The following TTN variants were observed in gnomAD, a reference collection of about 807,000 sequenced individuals.
The protein encoded by TTN is connectin.
A neutral mutation model predicts 3,223.0 loss-of-function variants in TTN; 1,525 were observed. That is an observed-to-expected ratio of 0.47 (90% CI 0.45 to 0.49). The LOEUF is 0.49. Ranked by LOEUF, TTN falls within the 20% of genes least tolerant of loss-of-function variation. The probability of loss-of-function intolerance (pLI) is 0.00; values close to 1 mark genes in which losing one functional copy is unlikely to be tolerated. For missense variants in TTN, 40,786 were observed against 43,424.0 expected, an observed-to-expected ratio of 0.94 and a Z score of 5.40; for synonymous variants, 14,094 against 15,161.0, an observed-to-expected ratio of 0.93 and a Z score of 5.17.
Position 178,532,833 on chromosome 2 carries a change from G to A in TTN, c.103782C>T (p.Arg34594=), listed in dbSNP as rs755518663. The part of the protein sequence containing the change: ...LDRVVQKRPK[R]IRLSRWEQFY... The stretch of plus-strand genomic sequence containing the variant: ...ACTGTTCCCATCTTGAAAGGCGGAT[G>A]CGCTTGGGTCGTTTCTGTACAACTC... Residue 34594 remains arginine, a synonymous_variant, in exon 358 of 363, where the codon CGC becomes CGT. Transcript: ENST00000589042. 1.2e-6 allele frequency: 2 copies of A among 1,613,802 alleles called. No homozygotes were observed. Among genetic ancestry groups the A allele is most frequent in the Non-Finnish European group, 1.7e-6 (2 of 1,179,860 alleles).
Position 178,548,250 on chromosome 2 carries a change from T to C in TTN, c.93376A>G (p.Ser31126Gly). ...PPRRLDVVDT[S>G]KSSAVLAWLK... The stretch of plus-strand genomic sequence containing the variant: ...CAAGCTAAGACTGCGGAGGATTTGC[T>C]AGTATCAACAACATCAAGTCTCCTA... The change falls in exon 339 of 363, where the codon AGC (serine) becomes GGC (glycine). Residue 31126 changes from serine to glycine, a missense_variant. Ser to Gly is a moderately conservative substitution (Grantham distance 56). Coordinates refer to ENST00000589042, the MANE Select transcript of TTN (RefSeq NM_001267550.2). The surrounding 1 kb of genome is among the most constrained non-coding windows in gnomAD (Gnocchi z 4.3). 1 of 1,613,862 alleles carries C rather than the reference T, an allele frequency of 6.2e-7. No individual in the cohort carries two copies.
intron 49 of TTN, among the ~76,000 whole-genome samples, chr2:178,737,681 T>C (rs144308062): frequency 0.017 from 2,551 of 152,298 alleles, 32 homozygotes; most frequent in Admixed American, 0.025. Flanking sequence ...TACATTAGGA[T>C]TTAATTTTAG....
In TTN at chr2:178,733,442, A is replaced by G. The variant is rs1327029023; in HGVS notation, c.15851T>C (p.Val5284Ala). Residue 5284 changes from valine (V) to alanine (A), a missense_variant, in exon 54 of 363, where the codon GTG (valine) becomes GCG (alanine). Coordinates refer to ENST00000589042, the MANE Select transcript of TTN (RefSeq NM_001267550.2). ...AGDPATLEYT[V>A]AGTPELKPKW... Reference sequence around the variant, plus strand: ...GGGCTTCAGTTCTGGCGTGCCTGCCACTGTGTACTCCAGTGTGGCGGGATC... The same window carrying G: ...GGGCTTCAGTTCTGGCGTGCCTGCCGCTGTGTACTCCAGTGTGGCGGGATC... The G allele has an allele frequency of 6.2e-7, 1 of 1,613,806 alleles. No homozygotes were observed. The highest frequency in any genetic ancestry group is 1.7e-5 in the Admixed American group (1 of 60,010).
chr2:178,790,548 T>G (rs2093431268), intron 11 of TTN, among the ~76,000 whole-genome samples, 160 bp downstream of exon 11: 1 of 152,222 alleles, frequency 6.6e-6, no homozygotes, highest in Non-Finnish European at 1.5e-5. Context: ...AGGAATGAAT[T>G]GACAGTGAAA....
chr2:178,586,519 GCTTCATACACTC>G lies in TTN; in HGVS notation c.64370_64381del (p.Gly21457_Glu21460del). 6.2e-7 allele frequency: 1 copy of G among 1,612,902 alleles called. No homozygotes were observed. The highest frequency in any genetic ancestry group is 2.2e-5 in the East Asian group (1 of 44,754). ...AGACTACTTACACAGTTGTTCTTTG[GCTTCATACACTC>G]CTTCAGCTTCTCTTGGCAAACTGAC... On this transcript the variant is annotated inframe_deletion, in exon 308 of 363. Transcript: ENST00000589042.
In TTN at chr2:178,550,151, CT is replaced by C; in HGVS notation, c.91686del (p.Asp30563MetfsTer9). 1 of 1,613,776 alleles carries C rather than the reference CT, an allele frequency of 6.2e-7. No homozygotes were observed. Among genetic ancestry groups the C allele is most frequent in the East Asian group, 2.2e-5 (1 of 44,856 alleles). ...ATCCTCTTTTCGATTTCCACTCCATCTTTGAACCAAGTTACTCGAGGCACTG... is the reference window on the plus strand; with the variant it reads ...ATCCTCTTTTCGATTTCCACTCCATCTTGAACCAAGTTACTCGAGGCACTG... ...GRPVPRVTWF[K>X]DGVEIEKRMN... On this transcript the variant is annotated frameshift_variant, in exon 337 of 363. Coordinates refer to ENST00000589042, the MANE Select transcript of TTN (RefSeq NM_001267550.2). LOFTEE classifies it high-confidence loss of function.
chr2:178,575,243 A>G lies in TTN; in HGVS notation c.70889T>C (p.Leu23630Pro), dbSNP rs377643984. 3 of 1,613,092 alleles carry G rather than the reference A, an allele frequency of 1.9e-6. No homozygotes were observed. The highest frequency in any genetic ancestry group is 2.7e-5 in the African/African-American group (2 of 74,914). The change falls in exon 326 of 363, where the codon CTT becomes CCT. Residue 23630 changes from leucine (L) to proline (P), a missense_variant. By Grantham distance (98) the Leu-to-Pro change is moderately conservative. Transcript: ENST00000589042. The surrounding 1 kb of genome is among the most constrained non-coding windows in gnomAD (Gnocchi z 4.0). ...RPVIVKEQTM[L>P]PELDLRGIYQ... ...GATGCCACGGAGATCCAGCTCTGGA[A>G]GCATTGTCTGCTCCTTGACAATGAC...
At position 178,573,472 on chromosome 2, in the gene TTN, A is replaced by G. The variant is rs761708999; in HGVS notation, c.72660T>C (p.Tyr24220=). Residue 24220 remains tyrosine (Y), a synonymous_variant, in exon 326 of 363, where the codon TAT becomes TAC. Transcript: ENST00000589042. ...ESEPVLAVNP[Y]GPPDPPKNPE... is the part of the protein sequence containing the mutation. ...GGTTTTTGGGCGGATCAGGGGGTCC[A>G]TAAGGATTCACTGCAAGCACAGGCT... The G allele has an allele frequency of 2.0e-6, 3 of 1,510,928 alleles. No individual in the cohort carries two copies. The highest frequency in any genetic ancestry group is 8.8e-7 in the Non-Finnish European group (1 of 1,133,912). The allele number at this position is 1,510,928 out of a possible 1,614,324, so 93.6% of individuals were successfully genotyped here.
intron 69 of TTN, 164 bp downstream of exon 69, chr2:178,726,926 A>G (rs1201969729): frequency 1.5e-6 from 1 of 678,446 alleles, no homozygotes; most frequent in Non-Finnish European, 2.1e-6. Flanking sequence ...ATGTAAGCAA[A>G]ATTCAAGAAG....
intron 294 of TTN, among the ~76,000 whole-genome samples, chr2:178,596,398 C>T (rs1245746831): frequency 1.3e-5 from 2 of 151,890 alleles, no homozygotes; most frequent in African/African-American, 4.8e-5. Context: ...GTGAGTTGGA[C>T]AGGAGGGAGC....
At position 178,549,604 on chromosome 2, in the gene TTN, A is replaced by T; in HGVS notation, c.92118T>A (p.Leu30706=). 1 of 1,613,630 alleles carries T rather than the reference A, an allele frequency of 6.2e-7. No homozygotes were observed. The highest frequency in any genetic ancestry group is 8.5e-7 in the Non-Finnish European group (1 of 1,179,588). The change falls in exon 338 of 363, where the codon CTT becomes CTA. Residue 30706 remains leucine, a synonymous_variant. Transcript: ENST00000589042. Reference sequence around the variant, plus strand: ...TTTGAGCAACCACTGGATCAGAATCAAGTGGCCTGCCAACACCAAACTTGT... The same window carrying T: ...TTTGAGCAACCACTGGATCAGAATCTAGTGGCCTGCCAACACCAAACTTGT... ...AVNKFGVGRP[L]DSDPVVAQIQ...
At chr2:178,804,485 A>G in intron 2 of TTN, 67 bp downstream of exon 2, 7 of 1,502,636 alleles carry the variant, frequency 4.7e-6, no homozygotes, top group Non-Finnish European at 6.5e-6. Flanking sequence ...CAAGTCCTGC[A>G]GCAACGTTAA....
chr2:178,593,233 C>T lies in TTN; in HGVS notation c.58975G>A (p.Glu19659Lys), dbSNP rs2050629562. The change falls in exon 299 of 363, where the codon GAA becomes AAA. Residue 19659 changes from glutamate to lysine, a missense_variant. Transcript: ENST00000589042. ...QYEFRVSAEN[E>K]IGIGDPSPPS... ...GGGCTTGGATCTCCAATACCAATTT[C>T]ATTTTCTGCAGAAACCCGGAATTCA... The T allele has an allele frequency of 4.3e-6, 7 of 1,613,326 alleles. No individual in the cohort carries two copies. Among genetic ancestry groups the T allele is most frequent in the Non-Finnish European group, 5.9e-6 (7 of 1,179,614 alleles).
intron 168 of TTN, 25 bp from the exon 169 acceptor site, chr2:178,664,123 A>G (rs1313535279): frequency 6.3e-7 from 1 of 1,585,798 alleles, no homozygotes; most frequent in East Asian, 2.2e-5. Flanking sequence ...GTATTTTTAC[A>G]CTCAGAAAAT....
chr2:178,596,847 A>G (rs1399521465), intron 294 of TTN, among the ~76,000 whole-genome samples: 1 of 152,196 alleles, frequency 6.6e-6, no homozygotes, highest in East Asian at 1.9e-4. Flanking sequence ...TGAGCAAATC[A>G]CTGGACTAAA....
chr2:178,800,209 T>C (rs541977083), intron 4 of TTN, among the ~76,000 whole-genome samples, 186 bp downstream of exon 4: 1 of 152,348 alleles, frequency 6.6e-6, no homozygotes, highest in Admixed American at 6.5e-5. Context: ...TAAGCACAGA[T>C]TGCTTCTATT....
At chr2:178,673,820 T>C (rs927962374) in intron 151 of TTN, 110 bp from the exon 152 acceptor site, 50 of 761,880 alleles carry the variant, frequency 6.6e-5, no homozygotes, top group African/African-American at 3.7e-5. Flanking sequence ...TTAAAAGATA[T>C]TAGCAACCTA....
chr2:178,646,200 CA>C (rs1248333521), intron 216 of TTN, among the ~76,000 whole-genome samples, 170 bp from the exon 217 acceptor site: 1 of 129,354 alleles, frequency 7.7e-6, no homozygotes, highest in East Asian at 2.4e-4. Context: ...CAACATAAAA[CA>C]CAGAACATAA....
rs375009570 is a variant in TTN, at chr2:178,591,253, C to A, written c.60472G>T (p.Gly20158Cys). The change falls in exon 304 of 363, where the codon GGT (glycine) becomes TGT (cysteine). Residue 20158 changes from glycine (G) to cysteine (C), a missense_variant. Transcript: ENST00000589042. ...EYQITVSNAA[G>C]SKTVAVHLTV... ...AGATGTACGGCTACTGTTTTGCTAC[C>A]GGCTGCATTGGAAACTGTGATTTGA... 8.1e-6 allele frequency: 13 copies of A among 1,613,100 alleles called. No homozygotes were observed. The highest frequency in any genetic ancestry group is 1.0e-5 in the Non-Finnish European group (12 of 1,179,496).
Sources: allele counts gnomAD v4.1 joint callset (sites outside exome capture counted in the v4.1 genomes callset), GRCh38; gene constraint gnomAD v4.1.1; non-coding constraint Gnocchi (gnomAD v3.1); transcripts MANE v1.5; gene names NCBI Gene and HGNC (gene_info 2026-07-23, HGNC 2026-07-21).